MAP3K19: variants seen among roughly 807,000 people sequenced by gnomAD.
MAP3K19 encodes the protein mitogen-activated protein kinase kinase kinase 19.
A neutral mutation model predicts 114.4 loss-of-function variants in MAP3K19; 91 were observed. That is an observed-to-expected ratio of 0.80 (90% CI 0.67 to 0.95). The LOEUF (loss-of-function observed/expected upper bound fraction) is 0.95. MAP3K19 is among the 40% of genes least tolerant of loss of function. The probability of loss-of-function intolerance (pLI) is 0.00; values close to 1 mark genes in which losing one functional copy is unlikely to be tolerated. For synonymous variants in MAP3K19, 518 were observed against 530.5 expected, an observed-to-expected ratio of 0.98 and a Z score of 0.32; for missense variants, 1,471 against 1,573.2, an observed-to-expected ratio of 0.94 and a Z score of 1.10.
chr2:135,001,483 G>A (rs1686441463), intron 6 of MAP3K19, among the ~76,000 whole-genome samples: 1 of 152,184 alleles, frequency 6.6e-6, no homozygotes, highest in South Asian at 2.1e-4. Context: ...TTTTAGAGAC[G>A]AAGAAACTGA....
chr2:134,977,501 T>C (rs2105179117), intron 12 of MAP3K19, among the ~76,000 whole-genome samples: 1 of 151,600 alleles, frequency 6.6e-6, no homozygotes, highest in African/African-American at 2.4e-5. Context: ...TAGCTGGGAC[T>C]ACAGGTGCCT....
intron 6 of MAP3K19, among the ~76,000 whole-genome samples, chr2:135,002,884 T>G (rs1686546254): frequency 6.6e-6 from 1 of 152,166 alleles, no homozygotes; most frequent in Non-Finnish European, 1.5e-5. Context: ...CCTGGGGCCT[T>G]CCTGTTATGG....
Position 134,980,877 on chromosome 2 carries a change from A to G in MAP3K19, c.3864T>C (p.Pro1288=). ...YIGAHRGLMP[P]LPDHFSENAA... is the part of the protein sequence containing the mutation. Reference sequence around the variant, plus strand: ...CATTTTCTGAGAAGTGGTCTGGTAAAGGAGGCATCAGCCCTCGGTGTGCTC... The same window carrying G: ...CATTTTCTGAGAAGTGGTCTGGTAAGGGAGGCATCAGCCCTCGGTGTGCTC... The change falls in exon 12 of 13, where the codon CCT becomes CCC. Residue 1288 remains proline, a synonymous_variant. Transcript: ENST00000392915. 1 of 1,614,234 alleles carries G rather than the reference A, an allele frequency of 6.2e-7. No individual in the cohort carries two copies. The highest frequency in any genetic ancestry group is 8.5e-7 in the Non-Finnish European group (1 of 1,180,044).
intron 5 of MAP3K19, among the ~76,000 whole-genome samples, chr2:135,007,891 T>TA (rs999319274): frequency 6.6e-6 from 1 of 152,202 alleles, no homozygotes; most frequent in Non-Finnish European, 1.5e-5. Flanking sequence ...AAGCAAAATT[T>TA]AAAAAATCAC....
In MAP3K19 at chr2:134,981,231, T is replaced by C. The variant is rs759884112; in HGVS notation, c.3510A>G (p.Ile1170Met). The change falls in exon 12 of 13, where the codon ATA (isoleucine) becomes ATG (methionine). Residue 1170 changes from isoleucine (I) to methionine (M), a missense_variant. Transcript: ENST00000392915. ...CATGGAGATAAGCAACACCTTGAAG[T>C]ATTTGTTTCGTATATTTACAGAACA... ...EMVFCKYTKQ[I>M]LQGVAYLHEN... 6.2e-7 allele frequency: 1 copy of C among 1,614,210 alleles called. No individual in the cohort carries two copies. Among genetic ancestry groups the C allele is most frequent in the South Asian group, 1.1e-5 (1 of 91,080 alleles).
chr2:134,988,886 T>A (rs1685365191), intron 9 of MAP3K19, among the ~76,000 whole-genome samples: 1 of 152,202 alleles, frequency 6.6e-6, no homozygotes, highest in African/African-American at 2.4e-5. Context: ...TCTTTTTACT[T>A]TCCATAGAAT....
intron 6 of MAP3K19, among the ~76,000 whole-genome samples, chr2:135,004,816 A>G (rs1313555506): frequency 7.9e-5 from 12 of 152,158 alleles, no homozygotes; most frequent in Admixed American, 7.9e-4. Context: ...GGGGACTTTC[A>G]GGTCTCGTAC....
chr2:134,999,975 A>G lies in MAP3K19; in HGVS notation c.276T>C (p.Pro92=), dbSNP rs1289968870. The part of the protein sequence containing the change: ...ITVTFPRDVS[P]PQEMSQEDLK... ...AGTCTTCTTGGCTCATTTCTTGGGG[A>G]GGACTGACATCTCTTGGAAAAGTTA... Residue 92 remains proline, a synonymous_variant, in exon 7 of 13, where the codon CCT becomes CCC. Coordinates refer to ENST00000392915, the MANE Select transcript of MAP3K19 (RefSeq NM_025052.5). The surrounding 1 kb of genome is among the most constrained non-coding windows in gnomAD (Gnocchi z 4.1). 2.5e-6 allele frequency: 4 copies of G among 1,611,690 alleles called. No homozygotes were observed. In the East Asian group the frequency reaches 8.9e-5, roughly 36 times the overall value.
intron 4 of MAP3K19, among the ~76,000 whole-genome samples, chr2:135,022,263 C>T (rs905900798): frequency 2.6e-5 from 4 of 152,142 alleles, no homozygotes; most frequent in East Asian, 1.9e-4. Context: ...TTAATGTCTA[C>T]GTCGTCATTG....
chr2:135,008,458 T>C (rs1353261228), intron 5 of MAP3K19, among the ~76,000 whole-genome samples: 4 of 152,176 alleles, frequency 2.6e-5, no homozygotes, highest in African/African-American at 9.7e-5. Flanking sequence ...AGTCTTACAA[T>C]GTAACTCCCA....
chr2:134,974,465 T>C (rs1278019172), intron 12 of MAP3K19, among the ~76,000 whole-genome samples: 1 of 152,214 alleles, frequency 6.6e-6, no homozygotes, highest in South Asian at 2.1e-4. Flanking sequence ...TTGACTACAA[T>C]GTACCCTGGA....
chr2:134,966,792 C>T (rs1345339887), intron 12 of MAP3K19, among the ~76,000 whole-genome samples: 1 of 152,118 alleles, frequency 6.6e-6, no homozygotes. Flanking sequence ...TTGCCAGCCT[C>T]GAGGACGGAG....
At chr2:134,988,672 G>A (rs1053997457) in intron 9 of MAP3K19, among the ~76,000 whole-genome samples, 2 of 152,116 alleles carry the variant, frequency 1.3e-5, no homozygotes, top group African/African-American at 4.8e-5. Context: ...TTACAGGCAT[G>A]AGCCACTATG....
At chr2:135,012,617 C>T (rs752201404) in intron 5 of MAP3K19, among the ~76,000 whole-genome samples, 1 of 151,982 alleles carries the variant, frequency 6.6e-6, no homozygotes, top group East Asian at 1.9e-4. Context: ...AAACAGTCAC[C>T]GTTTTCCTCA....
At position 134,983,743 on chromosome 2, in the gene MAP3K19, C is replaced by A. The variant is rs758154626; in HGVS notation, c.3155G>T (p.Ser1052Ile). 6.2e-6 allele frequency: 10 copies of A among 1,607,692 alleles called. No individual in the cohort carries two copies. The highest frequency in any genetic ancestry group is 8.5e-6 in the Non-Finnish European group (10 of 1,177,704). The change falls in exon 11 of 13, where the codon AGT becomes ATT. Residue 1052 changes from serine to isoleucine, a missense_variant. Transcript: ENST00000392915. Reference sequence around the variant, plus strand: ...TAGGATAGGTTCTTCAGACTTTAAACTATTTTCAGAAAATATCTTCTTTTC... The same window carrying A: ...TAGGATAGGTTCTTCAGACTTTAAAATATTTTCAGAAAATATCTTCTTTTC... The part of the protein sequence containing the change: ...SNEKKIFSEN[S>I]LKSEEPILWT...
At chr2:135,022,830 C>T (rs548165598) in intron 4 of MAP3K19, among the ~76,000 whole-genome samples, 5 of 152,286 alleles carry the variant, frequency 3.3e-5, no homozygotes, top group Admixed American at 3.3e-4. Context: ...TAATGATAAG[C>T]TGGAAATCAC....
chr2:134,977,419 G>A (rs968472568), intron 12 of MAP3K19, among the ~76,000 whole-genome samples: 1 of 136,726 alleles, frequency 7.3e-6, no homozygotes, highest in Non-Finnish European at 1.5e-5. Context: ...CTGGAGTGCA[G>A]TGGAGCAATC....
At chr2:134,965,022 A>G (rs1683241271) in intron 12 of MAP3K19, 106 bp from the exon 13 acceptor site, 1 of 841,540 alleles carries the variant, frequency 1.2e-6, no homozygotes, top group Non-Finnish European at 1.9e-6. Flanking sequence ...AACTTCTGAT[A>G]GTCAAACAGA....
intron 5 of MAP3K19, among the ~76,000 whole-genome samples, chr2:135,011,431 G>C (rs1687221230): frequency 6.6e-6 from 1 of 151,574 alleles, no homozygotes. Flanking sequence ...CAGCTACTCG[G>C]GAAGCTGAGG....
Sources: allele counts gnomAD v4.1 joint callset (sites outside exome capture counted in the v4.1 genomes callset), GRCh38; gene constraint gnomAD v4.1.1; non-coding constraint Gnocchi (gnomAD v3.1); transcripts MANE v1.5; gene names NCBI Gene and HGNC (gene_info 2026-07-23, HGNC 2026-07-21).